PEAK1: variants seen among roughly 807,000 people sequenced by gnomAD.
The protein encoded by PEAK1 is pseudopodium enriched atypical kinase 1.
A neutral mutation model predicts 124.7 loss-of-function variants in PEAK1; 54 were observed. That is an observed-to-expected ratio of 0.43 (90% CI 0.35 to 0.54). The LOEUF is 0.54. Among genes scored for constraint, PEAK1 ranks in the 20% least tolerant of loss-of-function variants. The pLI is 0.01. For synonymous variants in PEAK1, 719 were observed against 760.0 expected (o/e 0.95, Z 0.89); for missense variants, 2,046 against 2,134.5 (o/e 0.96, Z 0.82).
intron 1 of PEAK1, chr15:77,419,512 C>A (rs1216855533): frequency 1.0e-6 from 1 of 985,180 alleles, no homozygotes; most frequent in East Asian, 1.1e-4. Context: ...CGGCTCCGTC[C>A]CGACGCTGCC....
intron 6 of PEAK1, among the ~76,000 whole-genome samples, chr15:77,220,268 T>G (rs34896181): frequency 2.0e-5 from 3 of 151,976 alleles, no homozygotes; most frequent in Non-Finnish European, 2.9e-5. Context: ...AAATGTACTA[T>G]GCATTGAGGT....
intron 7 of PEAK1, among the ~76,000 whole-genome samples, chr15:77,169,519 A>G (rs2056358984): frequency 6.6e-6 from 1 of 152,234 alleles, no homozygotes; most frequent in Admixed American, 6.5e-5. Flanking sequence ...ACCACAGCTT[A>G]TTGAAAGAAC....
At chr15:77,386,483 A>T (rs1291771254) in intron 1 of PEAK1, among the ~76,000 whole-genome samples, 1 of 152,200 alleles carries the variant, frequency 6.6e-6, no homozygotes, top group Non-Finnish European at 1.5e-5. Context: ...TAGGTCACTT[A>T]ATTACAATCA....
At chr15:77,166,154 A>T in intron 7 of PEAK1, among the ~76,000 whole-genome samples, 1 of 152,184 alleles carries the variant, frequency 6.6e-6, no homozygotes, top group East Asian at 1.9e-4. Context: ...TTTCCAAAAA[A>T]ATTTTCCTTA....
chr15:77,158,974 G>A (rs115420809), intron 7 of PEAK1, among the ~76,000 whole-genome samples: 3,358 of 152,238 alleles, frequency 0.022, 103 homozygotes, highest in African/African-American at 0.07. Flanking sequence ...GTGGGAGGTG[G>A]TGATGTTGGT....
At chr15:77,336,044 T>A (rs1034723065) in intron 2 of PEAK1, 21 of 985,242 alleles carry the variant, frequency 2.1e-5, no homozygotes, top group Non-Finnish European at 2.5e-5. Flanking sequence ...TTTTTGAAGG[T>A]AAGATAACAA....
chr15:77,233,287 C>T (rs2059983901), intron 6 of PEAK1, among the ~76,000 whole-genome samples: 1 of 152,186 alleles, frequency 6.6e-6, no homozygotes, highest in South Asian at 2.1e-4. Flanking sequence ...TTGTTCCCAT[C>T]AGTTCAACAA....
rs34603921 is a variant in PEAK1, at chr15:77,313,692, G to GTGTGTGTGTATA, written c.-602-27189_-602-27188insTATACACACACA. Among the ~76,000 whole-genome samples the GTGTGTGTGTATA allele has an allele frequency of 1.1e-3, 112 of 98,796 alleles. 1 individual carries two copies. The highest frequency in any genetic ancestry group is 4.4e-3 in the African/African-American group (105 of 24,122). The allele number at this position is 98,796 out of a possible 152,430, so 64.8% of individuals were successfully genotyped here. ...TGTGTGTGTGTGTGTGTGTGTGTGT[G>GTGTGTGTGTATA]TATATATATATATGTATGTGTGTGT... is the stretch of plus-strand genomic sequence containing the variant. On this transcript the variant is annotated intron_variant, in intron 2 of 9. Coordinates refer to ENST00000682557, the MANE Select transcript of PEAK1 (RefSeq NM_001385026.1).
chr15:77,250,252 TATA>T (rs1278848976), intron 6 of PEAK1, among the ~76,000 whole-genome samples: 8 of 71,200 alleles, frequency 1.1e-4, no homozygotes, highest in African/African-American at 2.8e-4. Flanking sequence ...TATATATATA[TATA>T]TATTTTTTTT....
In PEAK1 at chr15:77,331,046, C is replaced by T. The variant is rs992944717; in HGVS notation, c.-603+34117G>A. ...CTTTTGTCATTTACTATTAGCATTC[C>T]TAATTATTGCATAGCATTCCATTAT... On this transcript the variant is annotated intron_variant, in intron 2 of 9. Transcript: ENST00000682557. The T allele has an allele frequency of 5.8e-6, 5 of 864,494 alleles. No homozygotes were observed. The African/African-American group carries it at 9.2e-5, about 16-fold the overall frequency. The allele number at this position is 864,494 out of a possible 1,614,324, so 53.6% of individuals were successfully genotyped here.
At chr15:77,129,231 A>G (rs2052639770) in intron 9 of PEAK1, among the ~76,000 whole-genome samples, 4 of 152,232 alleles carry the variant, frequency 2.6e-5, no homozygotes, top group South Asian at 2.1e-4. Flanking sequence ...CAGAAAGCAA[A>G]TAAGTTGGAA....
chr15:77,365,565 G>A (rs573777850), intron 1 of PEAK1, among the ~76,000 whole-genome samples: 307 of 151,968 alleles, frequency 2.0e-3, no homozygotes, highest in Middle Eastern at 6.8e-3. Context: ...TGGCGAAACC[G>A]TGTCTCTACT....
intron 2 of PEAK1, chr15:77,352,201 C>A (rs2067250142): frequency 7.1e-6 from 7 of 985,128 alleles, no homozygotes; most frequent in Non-Finnish European, 8.4e-6. Context: ...ACAGAGCAAA[C>A]CCTGTCTCAA....
At chr15:77,390,612 T>C (rs891953280) in intron 1 of PEAK1, among the ~76,000 whole-genome samples, 1 of 152,228 alleles carries the variant, frequency 6.6e-6, no homozygotes, top group Admixed American at 6.5e-5. Flanking sequence ...ATGAATTTTA[T>C]CTGTATCAAA....
intron 8 of PEAK1, among the ~76,000 whole-genome samples, chr15:77,150,196 T>C (rs1373496787): frequency 6.6e-6 from 1 of 152,134 alleles, no homozygotes; most frequent in Non-Finnish European, 1.5e-5. Context: ...ACATGACTTC[T>C]TTTTTTAAAA....
In PEAK1 at chr15:77,114,313, A is replaced by C; in HGVS notation, c.5084T>G (p.Leu1695Arg). 1 of 1,614,208 alleles carries C rather than the reference A, an allele frequency of 6.2e-7. No individual in the cohort carries two copies. Among genetic ancestry groups the C allele is most frequent in the Non-Finnish European group, 8.5e-7 (1 of 1,180,034 alleles). The change falls in exon 10 of 10, where the codon CTA becomes CGA. Residue 1695 changes from leucine (L) to arginine (R), a missense_variant. Transcript: ENST00000682557. Reference protein sequence around the residue: ...VQRNTLLQNWLDIKRTLLMIK... With the variant: ...VQRNTLLQNWRDIKRTLLMIK... ...CATGAGCAGTGTTCGCTTGATGTCT[A>C]GCCAGTTTTGGAGCAGGGTGTTCCT... is the stretch of plus-strand genomic sequence containing the variant.
At chr15:77,356,041 T>C (rs1443697101) in intron 2 of PEAK1, 2 of 653,678 alleles carry the variant, frequency 3.1e-6, no homozygotes, top group African/African-American at 4.0e-5. Context: ...CCAGTGCCCA[T>C]GTGCACACGA....
intron 1 of PEAK1, chr15:77,419,182 A>G: frequency 1.0e-6 from 1 of 985,354 alleles, no homozygotes. Context: ...AAAAAGTAAC[A>G]TTTAACAGGC....
chr15:77,351,817 G>A, intron 2 of PEAK1: 2 of 985,314 alleles, frequency 2.0e-6, no homozygotes, highest in Non-Finnish European at 2.4e-6. Context: ...TTTGAACACG[G>A]GTGTGGTAAC....
Sources: allele counts gnomAD v4.1 joint callset (sites outside exome capture counted in the v4.1 genomes callset), GRCh38; gene constraint gnomAD v4.1.1; transcripts MANE v1.5; gene names NCBI Gene and HGNC (gene_info 2026-07-23, HGNC 2026-07-21).